BICD1: variants seen among roughly 807,000 people sequenced by gnomAD.
BICD1 encodes BICD cargo adaptor 1, also known as protein bicaudal D homolog 1.
BICD1 carries 35 observed loss-of-function variants against 92.5 expected under a neutral mutation model. The ratio of observed to expected loss-of-function variants is 0.38; its 90% CI spans 0.29 to 0.50. The LOEUF is 0.50. Among genes scored for constraint, BICD1 ranks in the 20% least tolerant of loss-of-function variants. The pLI, the probability that BICD1 is intolerant of heterozygous loss-of-function variation, is 0.93. For synonymous variants in BICD1, 429 were observed against 465.1 expected (o/e 0.92, Z 1.00); for missense variants, 950 against 1,189.8 (o/e 0.80, Z 2.97).
intron 1 of BICD1, among the ~76,000 whole-genome samples, chr12:32,199,861 A>G (rs1944854605): frequency 1.3e-5 from 2 of 152,120 alleles, no homozygotes; most frequent in South Asian, 4.2e-4. Context: ...AACTCGTTTA[A>G]TCCTAAATGG....
At chr12:32,290,031 G>A (rs1947685916) in intron 2 of BICD1, among the ~76,000 whole-genome samples, 1 of 152,198 alleles carries the variant, frequency 6.6e-6, no homozygotes, top group African/African-American at 2.4e-5. Flanking sequence ...GTAGGCATAG[G>A]TGAATTACTA....
At chr12:32,229,620 G>A (rs541652331) in intron 2 of BICD1, among the ~76,000 whole-genome samples, 1 of 152,300 alleles carries the variant, frequency 6.6e-6, no homozygotes, top group South Asian at 2.1e-4. Context: ...AGTTTCCATA[G>A]AGTGTTGGGA....
chr12:32,340,620 A>G (rs1938330651), intron 8 of BICD1: 8 of 661,896 alleles, frequency 1.2e-5, no homozygotes, highest in Non-Finnish European at 1.5e-5. Context: ...AACTGTTTTC[A>G]TTTTTGTATG....
At chr12:32,116,456 CTGTCTG>C (rs1198756731) in intron 1 of BICD1, among the ~76,000 whole-genome samples, 8 of 116,000 alleles carry the variant, frequency 6.9e-5, no homozygotes, top group South Asian at 2.8e-4. Flanking sequence ...GTCTGTCTGT[CTGTCTG>C]TCTCTCTCTC....
chr12:32,219,498 A>C (rs1042188731), intron 2 of BICD1, among the ~76,000 whole-genome samples: 1 of 152,204 alleles, frequency 6.6e-6, no homozygotes, highest in African/African-American at 2.4e-5. Context: ...TATAGAGTAC[A>C]TACATAAACA....
At chr12:32,289,115 T>A (rs1947657456) in intron 2 of BICD1, among the ~76,000 whole-genome samples, 1 of 152,122 alleles carries the variant, frequency 6.6e-6, no homozygotes, top group Admixed American at 6.5e-5. Context: ...GGAAAGCTCC[T>A]GCGGCCAGAG....
chr12:32,258,581 G>A (rs113865615), intron 2 of BICD1, among the ~76,000 whole-genome samples: 7,802 of 151,914 alleles, frequency 0.051, 233 homozygotes, highest in Middle Eastern at 0.11. Flanking sequence ...ATGGTTGGGC[G>A]TGCTGATATT....
chr12:32,291,241 A>C (rs962798589), intron 2 of BICD1, among the ~76,000 whole-genome samples: 4 of 152,206 alleles, frequency 2.6e-5, no homozygotes, highest in Admixed American at 2.0e-4. Flanking sequence ...TACAGTTAAC[A>C]TCTATAGAAT....
At chr12:32,223,001 C>T (rs890499913) in intron 2 of BICD1, among the ~76,000 whole-genome samples, 2 of 152,182 alleles carry the variant, frequency 1.3e-5, no homozygotes, top group Non-Finnish European at 2.9e-5. Context: ...GTTATTTTGT[C>T]TATGTTGAAA....
rs144520509 is a variant in BICD1 at position 32,191,601 on chromosome 12, T to C, written c.214-24646T>C. 1.2e-3 allele frequency among the ~76,000 whole-genome samples: 168 copies of C among 144,892 alleles called. 1 individual carries two copies. In the East Asian group the frequency reaches 0.031, roughly 26 times the overall value. On this transcript the variant is annotated intron_variant, in intron 1 of 9. Coordinates refer to ENST00000652176, the MANE Select transcript of BICD1 (RefSeq NM_001714.4). The stretch of plus-strand genomic sequence containing the variant: ...AATATTATGTATATATAATATGTAA[T>C]ATATATAATACGTATATAATATATA...
At chr12:32,295,030 C>A (rs1243884745) in intron 3 of BICD1, among the ~76,000 whole-genome samples, 1 of 140,308 alleles carries the variant, frequency 7.1e-6, no homozygotes, top group Non-Finnish European at 1.5e-5. Context: ...TGCAGTGAGC[C>A]GAGATTACAC....
intron 1 of BICD1, among the ~76,000 whole-genome samples, chr12:32,201,310 G>A (rs953423542): frequency 6.6e-6 from 1 of 152,150 alleles, no homozygotes; most frequent in Non-Finnish European, 1.5e-5. Flanking sequence ...TGAATCAAAT[G>A]AATGTCTTAA....
chr12:32,328,644 A>G lies in BICD1; in HGVS notation c.2100+89A>G, dbSNP rs1937672682. On this transcript the variant is annotated intron_variant, in intron 5 of 9. Coordinates refer to ENST00000652176, the MANE Select transcript of BICD1 (RefSeq NM_001714.4). The surrounding 1 kb of genome is among the most constrained non-coding windows in gnomAD (Gnocchi z 4.4). Reference sequence around the variant, plus strand: ...TTTTATTGAGTATCGAGTATCGTCAAGATGAGAGTTCAGATTCTTGGTAAG... The same window carrying G: ...TTTTATTGAGTATCGAGTATCGTCAGGATGAGAGTTCAGATTCTTGGTAAG... 1 of 1,485,340 alleles carries G rather than the reference A, an allele frequency of 6.7e-7. No individual in the cohort carries two copies. Among genetic ancestry groups the G allele is most frequent in the Non-Finnish European group, 9.0e-7 (1 of 1,109,456 alleles). The allele number at this position is 1,485,340 out of a possible 1,614,324, so 92.0% of individuals were successfully genotyped here. A position where few individuals can be genotyped will look rare whatever the true frequency, so the allele number is the denominator to read the frequency against.
chr12:32,259,298 C>T lies in BICD1; in HGVS notation c.427-34696C>T, dbSNP rs749164895. Among the ~76,000 whole-genome samples, 3 of 152,308 alleles carry T rather than the reference C, an allele frequency of 2.0e-5. No homozygotes were observed. The South Asian group carries it at 6.2e-4, about 32-fold the overall frequency. ...AACTGTTTTCTTTATTACACTGAAACAGTTTGTGCCTTCAGTTTCTTGCCT... is the reference window on the plus strand; with the variant it reads ...AACTGTTTTCTTTATTACACTGAAATAGTTTGTGCCTTCAGTTTCTTGCCT... On this transcript the variant is annotated intron_variant, in intron 2 of 9. Coordinates refer to ENST00000652176, the MANE Select transcript of BICD1 (RefSeq NM_001714.4).
chr12:32,245,250 G>GT (rs1264562131), intron 2 of BICD1, among the ~76,000 whole-genome samples: 9,238 of 119,470 alleles, frequency 0.077, 624 homozygotes, highest in African/African-American at 0.18. Flanking sequence ...TTTGTTTTTT[G>GT]TTTTTTTTTT....
intron 2 of BICD1, among the ~76,000 whole-genome samples, chr12:32,241,512 C>G (rs1946234450): frequency 6.6e-6 from 1 of 152,164 alleles, no homozygotes; most frequent in Non-Finnish European, 1.5e-5. Context: ...ACTTGGCTCT[C>G]CAGCCTAAGG....
chr12:32,221,864 G>A (rs1330199693), intron 2 of BICD1, among the ~76,000 whole-genome samples: 1 of 152,012 alleles, frequency 6.6e-6, no homozygotes, highest in Non-Finnish European at 1.5e-5. Context: ...ATTATTTTTG[G>A]TAAGAGCATA....
At chr12:32,224,328 A>T (rs1945621314) in intron 2 of BICD1, among the ~76,000 whole-genome samples, 1 of 152,230 alleles carries the variant, frequency 6.6e-6, no homozygotes, top group Non-Finnish European at 1.5e-5. Flanking sequence ...TACATAACTG[A>T]TAATAATATC....
intron 2 of BICD1, among the ~76,000 whole-genome samples, chr12:32,247,953 C>T (rs1011671548): frequency 1.8e-4 from 28 of 151,640 alleles, no homozygotes; most frequent in Admixed American, 5.9e-4. Flanking sequence ...CGTGGTGGTG[C>T]GCACCTGTAA....
Sources: allele counts gnomAD v4.1 joint callset (sites outside exome capture counted in the v4.1 genomes callset), GRCh38; gene constraint gnomAD v4.1.1; non-coding constraint Gnocchi (gnomAD v3.1); transcripts MANE v1.5; gene names NCBI Gene and HGNC (gene_info 2026-07-23, HGNC 2026-07-21).